SV2B: variants seen among roughly 807,000 people sequenced by gnomAD.
The protein encoded by SV2B is solute carrier family 22 member B2.
SV2B carries 41 observed loss-of-function variants against 73.9 expected under a neutral mutation model. That is an observed-to-expected ratio of 0.56 (90% CI 0.43 to 0.72). The LOEUF (loss-of-function observed/expected upper bound fraction) is 0.72, where lower values mean the gene tolerates loss of function less well. Ranked by LOEUF, SV2B falls within the 30% of genes least tolerant of loss-of-function variation. The pLI is 0.00. For missense variants in SV2B, 764 were observed against 857.8 expected (o/e 0.89, Z 1.37); for synonymous variants, 314 against 314.2 (o/e 1.00, Z 0.01).
Position 91,268,345 on chromosome 15 carries a change from C to CA in SV2B, c.1209-94dup, listed in dbSNP as rs1352299467. 1.1e-5 allele frequency: 13 copies of CA among 1,207,196 alleles called. No homozygotes were observed. Among genetic ancestry groups the CA allele is most frequent in the African/African-American group, 1.5e-5 (1 of 64,938 alleles). The allele number at this position is 1,207,196 out of a possible 1,614,324, so 74.8% of individuals were successfully genotyped here. ...ATAATGAACCAAATTAATGTATTTT[C>CA]AATGAGTTTGATCTGCATCAAGTCA... On this transcript the variant is annotated intron_variant, in intron 8 of 12. Coordinates refer to ENST00000394232, the MANE Select transcript of SV2B (RefSeq NM_001323032.3). This position sits in a 1 kb window ranked among gnomAD's most constrained non-coding sequence, Gnocchi z 4.4.
chr15:91,162,450 G>T (rs1479183194), intron 1 of SV2B, among the ~76,000 whole-genome samples: 2 of 152,190 alleles, frequency 1.3e-5, no homozygotes, highest in African/African-American at 4.8e-5. Flanking sequence ...CATTGGCTTG[G>T]AAAGCTGTAT....
chr15:91,204,892 A>C (rs1475846515), intron 1 of SV2B, among the ~76,000 whole-genome samples: 1 of 152,072 alleles, frequency 6.6e-6, no homozygotes, highest in African/African-American at 2.4e-5. Context: ...CCACCTTGTG[A>C]GCTAATTTTT....
At chr15:91,273,053 G>A (rs1279872441) in intron 9 of SV2B, among the ~76,000 whole-genome samples, 1 of 151,942 alleles carries the variant, frequency 6.6e-6, no homozygotes, top group Non-Finnish European at 1.5e-5. Flanking sequence ...GGCTGGTCTC[G>A]AACTCCTGAC....
chr15:91,189,752 G>T (rs1426452947), intron 1 of SV2B, among the ~76,000 whole-genome samples: 1 of 152,238 alleles, frequency 6.6e-6, no homozygotes, highest in Non-Finnish European at 1.5e-5. Context: ...ACTTTGGGAG[G>T]CCGAGGCGGA....
chr15:91,138,534 T>G (rs2042909740), intron 1 of SV2B, among the ~76,000 whole-genome samples: 1 of 152,200 alleles, frequency 6.6e-6, no homozygotes, highest in Admixed American at 6.5e-5. Context: ...AGTTCATGGA[T>G]TCAACCAATA....
At chr15:91,160,176 A>G (rs1186478828) in intron 1 of SV2B, among the ~76,000 whole-genome samples, 1 of 152,224 alleles carries the variant, frequency 6.6e-6, no homozygotes, top group Non-Finnish European at 1.5e-5. Context: ...TCTGATAAGA[A>G]TCATAATGTT....
rs2047542098 is a variant in SV2B, at chr15:91,252,784, C to T, written c.784+264C>T. On this transcript the variant is annotated intron_variant, in intron 4 of 12. Coordinates refer to ENST00000394232, the MANE Select transcript of SV2B (RefSeq NM_001323032.3). The surrounding 1 kb of genome is among the most constrained non-coding windows in gnomAD (Gnocchi z 4.6). ...CCTTTCTCCTTCCCTCTCTCCCTTT[C>T]TTGTTTCCTTACTTTTATTTGAAAT... 6.6e-6 allele frequency among the ~76,000 whole-genome samples: 1 copy of T among 151,994 alleles called. No individual in the cohort carries two copies. Among genetic ancestry groups the T allele is most frequent in the Non-Finnish European group, 1.5e-5 (1 of 68,014 alleles).
chr15:91,153,563 G>C (rs2043383358), intron 1 of SV2B, among the ~76,000 whole-genome samples: 1 of 152,126 alleles, frequency 6.6e-6, no homozygotes, highest in African/African-American at 2.4e-5. Flanking sequence ...ATGGAAAACT[G>C]TTAGCTCCAT....
intron 1 of SV2B, among the ~76,000 whole-genome samples, chr15:91,195,786 T>C (rs1421706209): frequency 6.6e-6 from 1 of 152,182 alleles, no homozygotes; most frequent in Non-Finnish European, 1.5e-5. Flanking sequence ...CAGTTAGATA[T>C]GCAAAAGTAC....
intron 1 of SV2B, among the ~76,000 whole-genome samples, chr15:91,213,285 G>C (rs889905064): frequency 2.0e-5 from 3 of 152,188 alleles, no homozygotes; most frequent in African/African-American, 7.2e-5. Context: ...TTTTCCTCAA[G>C]CTGGTGTTAC....
chr15:91,280,480 A>T lies in SV2B; in HGVS notation c.1374-1248A>T, dbSNP rs2048649441. On this transcript the variant is annotated intron_variant, in intron 9 of 12. Coordinates refer to ENST00000394232, the MANE Select transcript of SV2B (RefSeq NM_001323032.3). The surrounding 1 kb of genome is among the most constrained non-coding windows in gnomAD (Gnocchi z 5.8). ...GCTCAGTGTTTGCAGAAGACTAAAT[A>T]TGTAAGTGAATGAATAGAAGAATGA... is the stretch of plus-strand genomic sequence containing the variant. Among the ~76,000 whole-genome samples the T allele has an allele frequency of 6.6e-6, 1 of 152,244 alleles. No homozygotes were observed. The highest frequency in any genetic ancestry group is 2.4e-5 in the African/African-American group (1 of 41,460).
chr15:91,115,852 T>G lies in SV2B; in HGVS notation c.-392+15489T>G, dbSNP rs2042163384. Among the ~76,000 whole-genome samples the G allele has an allele frequency of 6.6e-6, 1 of 152,196 alleles. No individual in the cohort carries two copies. Among genetic ancestry groups the G allele is most frequent in the Non-Finnish European group, 1.5e-5 (1 of 68,030 alleles). ...CAGCAAATGTTTATTGACTTCTCAT[T>G]GTGTTAGGCATCAGAGTTAATGATA... is the stretch of plus-strand genomic sequence containing the variant. On this transcript the variant is annotated intron_variant, in intron 1 of 12. Coordinates refer to ENST00000394232, the MANE Select transcript of SV2B (RefSeq NM_001323032.3). This position sits in a 1 kb window ranked among gnomAD's most constrained non-coding sequence, Gnocchi z 4.3.
chr15:91,133,329 C>T (rs1807079984), intron 1 of SV2B, among the ~76,000 whole-genome samples: 1 of 152,054 alleles, frequency 6.6e-6, no homozygotes, highest in South Asian at 2.1e-4. Context: ...CAAAATTGAA[C>T]CGCCATCCTC....
At chr15:91,237,805 T>C (rs2046849062) in intron 2 of SV2B, among the ~76,000 whole-genome samples, 1 of 152,214 alleles carries the variant, frequency 6.6e-6, no homozygotes, top group Non-Finnish European at 1.5e-5. Context: ...ATGTTTGGAA[T>C]ATTTGCACAT....
chr15:91,213,829 G>A (rs2045941650), intron 1 of SV2B, among the ~76,000 whole-genome samples: 1 of 152,158 alleles, frequency 6.6e-6, no homozygotes, highest in African/African-American at 2.4e-5. Context: ...TAAAGGCTCT[G>A]AACCTGAGTC....
At chr15:91,195,261 G>A (rs1163693856) in intron 1 of SV2B, among the ~76,000 whole-genome samples, 1 of 152,078 alleles carries the variant, frequency 6.6e-6, no homozygotes, top group Non-Finnish European at 1.5e-5. Flanking sequence ...AGGCTCAAGC[G>A]ATTCTCCCAC....
rs911676098 is a variant in SV2B, at chr15:91,288,158, G to C, written c.1709-1363G>C. Among the ~76,000 whole-genome samples, 1 of 152,172 alleles carries C rather than the reference G, an allele frequency of 6.6e-6. No homozygotes were observed. Among genetic ancestry groups the C allele is most frequent in the African/African-American group, 2.4e-5 (1 of 41,414 alleles). On this transcript the variant is annotated intron_variant, in intron 11 of 12. Coordinates refer to ENST00000394232, the MANE Select transcript of SV2B (RefSeq NM_001323032.3). The surrounding 1 kb of genome is among the most constrained non-coding windows in gnomAD (Gnocchi z 5.8). Reference sequence around the variant, plus strand: ...TCTGGGGTGGGGATTCGGGTAAATGGGGAATAGCACCGCCTTTCTTCAGGT... The same window carrying C: ...TCTGGGGTGGGGATTCGGGTAAATGCGGAATAGCACCGCCTTTCTTCAGGT...
chr15:91,260,196 C>T (rs1596719266), intron 5 of SV2B, 124 bp from the exon 6 acceptor site: 1 of 797,060 alleles, frequency 1.3e-6, no homozygotes, highest in Non-Finnish European at 2.0e-6. Context: ...TGTGCAATTG[C>T]CTCAGACCTG....
intron 1 of SV2B, among the ~76,000 whole-genome samples, chr15:91,188,372 G>A (rs1324196038): frequency 6.6e-6 from 1 of 151,936 alleles, no homozygotes; most frequent in African/African-American, 2.4e-5. Context: ...GGAGTGCAGT[G>A]GCAAGATCTT....
Sources: allele counts gnomAD v4.1 joint callset (sites outside exome capture counted in the v4.1 genomes callset), GRCh38; gene constraint gnomAD v4.1.1; non-coding constraint Gnocchi (gnomAD v3.1); transcripts MANE v1.5; gene names NCBI Gene and HGNC (gene_info 2026-07-23, HGNC 2026-07-21).